Variants in SREBF2 observed in about 807,000 individuals in gnomAD.
SREBF2 encodes the protein sterol regulatory element binding transcription factor 2.
SREBF2 carries 55 observed loss-of-function variants against 113.1 expected under a neutral mutation model. The observed-to-expected ratio is 0.49, with a 90% CI of 0.39 to 0.61. The LOEUF (loss-of-function observed/expected upper bound fraction) is 0.61, where lower values mean the gene tolerates loss of function less well. Ranked by LOEUF, SREBF2 falls within the 20% of genes least tolerant of loss-of-function variation. The probability of loss-of-function intolerance (pLI) is 0.00; values close to 1 mark genes in which losing one functional copy is unlikely to be tolerated. For missense variants in SREBF2, 1,349 were observed against 1,487.4 expected, an observed-to-expected ratio of 0.91 and a Z score of 1.53; for synonymous variants, 593 against 605.7, an observed-to-expected ratio of 0.98 and a Z score of 0.31.
intron 1 of SREBF2, among the ~76,000 whole-genome samples, chr22:41,864,284 A>AC (rs1491340321): frequency 1.6e-5 from 2 of 123,372 alleles, no homozygotes; most frequent in African/African-American, 3.2e-5. Context: ...ACACACACAC[A>AC]AAATATCAAA....
chr22:41,903,275 C>T, intron 17 of SREBF2, 120 bp downstream of exon 17: 1 of 1,246,816 alleles, frequency 8.0e-7, no homozygotes, highest in African/African-American at 1.5e-5. Context: ...AGCCTGGTGA[C>T]CTGTCGAGCA....
Position 41,867,268 on chromosome 22 carries a change from A to G in SREBF2, c.526A>G (p.Thr176Ala), listed in dbSNP as rs139680630. 83 of 1,614,112 alleles carry G rather than the reference A, an allele frequency of 5.1e-5. No homozygotes were observed. The highest frequency in any genetic ancestry group is 6.9e-5 in the Non-Finnish European group (81 of 1,180,048). ...GCCTTTGATATACCAGAATGCAGCTACTAGCTTTCAAGGTGATTCAGAAGT... is the reference window on the plus strand; with the variant it reads ...GCCTTTGATATACCAGAATGCAGCTGCTAGCTTTCAAGGTGATTCAGAAGT... Reference protein sequence around the residue: ...QQPLIYQNAATSFQVLQPQVQ... With the variant: ...QQPLIYQNAAASFQVLQPQVQ... Residue 176 changes from threonine (T) to alanine (A), a missense_variant, in exon 2 of 19, where the codon ACT becomes GCT. This residue lies in a region of SREBF2 where 699 missense variants were observed against 843.3 expected (regional missense o/e 0.83). Coordinates refer to ENST00000361204, the MANE Select transcript of SREBF2 (RefSeq NM_004599.4).
At chr22:41,899,793 C>T (rs1427789414) in intron 15 of SREBF2, among the ~76,000 whole-genome samples, 3 of 152,094 alleles carry the variant, frequency 2.0e-5, no homozygotes, top group Non-Finnish European at 4.4e-5. Flanking sequence ...GCCAAGACAC[C>T]CCTGCAGGCA....
At chr22:41,857,281 G>C (rs2076986232) in intron 1 of SREBF2, among the ~76,000 whole-genome samples, 2 of 152,116 alleles carry the variant, frequency 1.3e-5, no homozygotes, top group African/African-American at 2.4e-5. Flanking sequence ...TGGAGCTGCA[G>C]ATCCCTCTCC....
chr22:41,893,357 C>G, intron 12 of SREBF2, 72 bp downstream of exon 12: 1 of 1,513,666 alleles, frequency 6.6e-7, no homozygotes, highest in Non-Finnish European at 9.2e-7. Flanking sequence ...AGTCACTGCA[C>G]CAGACACGCG....
intron 15 of SREBF2, 193 bp downstream of exon 15, chr22:41,898,974 T>C: frequency 2.5e-6 from 2 of 791,848 alleles, no homozygotes; most frequent in Non-Finnish European, 4.1e-6. Flanking sequence ...TCTGTGCAAG[T>C]GTCCTGCTCT....
intron 17 of SREBF2, 140 bp from the exon 18 acceptor site, chr22:41,904,723 C>CT (rs1569413565): frequency 1.3e-6 from 1 of 756,720 alleles, no homozygotes; most frequent in Admixed American, 2.0e-5. Flanking sequence ...ACAGAGGTTG[C>CT]TTTTCAGGGG....
chr22:41,895,031 GC>G, intron 13 of SREBF2, 94 bp downstream of exon 13: 4 of 963,538 alleles, frequency 4.2e-6, no homozygotes, highest in Non-Finnish European at 6.6e-6. Flanking sequence ...AGGGAAACAA[GC>G]CTGGCATCGG....
chr22:41,892,425 G>A (rs965491171), intron 11 of SREBF2, among the ~76,000 whole-genome samples: 22 of 152,222 alleles, frequency 1.4e-4, no homozygotes, highest in African/African-American at 4.3e-4. Flanking sequence ...CGAGACGGGC[G>A]GATCACGAGG....
At position 41,878,148 on chromosome 22, in the gene SREBF2, C is replaced by T. The variant is rs777283664; in HGVS notation, c.1761+25C>T. Reference sequence around the variant, plus strand: ...AGTGAGTTCTGTGTCCGCCCTTCCCCATCCTCCCCCAGACTTGACAAATAA... The same window carrying T: ...AGTGAGTTCTGTGTCCGCCCTTCCCTATCCTCCCCCAGACTTGACAAATAA... On this transcript the variant is annotated intron_variant, in intron 9 of 18. Coordinates refer to ENST00000361204, the MANE Select transcript of SREBF2 (RefSeq NM_004599.4). 5.0e-6 allele frequency: 8 copies of T among 1,612,826 alleles called. No homozygotes were observed. In the South Asian group the frequency reaches 7.7e-5, roughly 16 times the overall value.
chr22:41,869,737 G>A (rs2077122094), intron 3 of SREBF2, among the ~76,000 whole-genome samples: 1 of 152,052 alleles, frequency 6.6e-6, no homozygotes, highest in Non-Finnish European at 1.5e-5. Flanking sequence ...CATCGATCTC[G>A]GCCTCCCAAA....
chr22:41,844,669 C>T (rs1251742227), intron 1 of SREBF2, among the ~76,000 whole-genome samples: 1 of 152,148 alleles, frequency 6.6e-6, no homozygotes, highest in Non-Finnish European at 1.5e-5. Flanking sequence ...CTTGCTCCTC[C>T]ACGTGGCCCT....
chr22:41,875,258 C>T, intron 5 of SREBF2, 79 bp from the exon 6 acceptor site: 2 of 1,215,244 alleles, frequency 1.6e-6, no homozygotes, highest in African/African-American at 3.0e-5. Context: ...ATGCTGTCAT[C>T]CCAAGTGCTA....
At chr22:41,863,297 C>T (rs1315040444) in intron 1 of SREBF2, among the ~76,000 whole-genome samples, 1 of 152,224 alleles carries the variant, frequency 6.6e-6, no homozygotes, top group African/African-American at 2.4e-5. Context: ...GGCCTGACTA[C>T]CACCAAAGCC....
intron 1 of SREBF2, among the ~76,000 whole-genome samples, chr22:41,847,962 CT>C (rs1482719431): frequency 6.7e-6 from 1 of 148,858 alleles, no homozygotes; most frequent in East Asian, 1.9e-4. Context: ...GTCGCCCAGG[CT>C]GGAGTGCAGT....
At position 41,872,119 on chromosome 22, in the gene SREBF2, G is replaced by A. The variant is rs531918661; in HGVS notation, c.867+1084G>A. ...CAAAAAATTAGCCGGGCATGGTGGC[G>A]GGCACCTGTAGTCCTAGCTACTCGG... On this transcript the variant is annotated intron_variant, in intron 4 of 18. Coordinates refer to ENST00000361204, the MANE Select transcript of SREBF2 (RefSeq NM_004599.4). Among the ~76,000 whole-genome samples, 7 of 151,798 alleles carry A rather than the reference G, an allele frequency of 4.6e-5. No individual in the cohort carries two copies. In the East Asian group the frequency reaches 7.8e-4, roughly 17 times the overall value.
chr22:41,877,389 G>T lies in SREBF2; in HGVS notation c.1547G>T (p.Gly516Val), dbSNP rs112159798. The T allele has an allele frequency of 1.5e-5, 24 of 1,614,180 alleles. No individual in the cohort carries two copies. Among genetic ancestry groups the T allele is most frequent in the Non-Finnish European group, 1.9e-5 (22 of 1,180,026 alleles). The change falls in exon 8 of 19, where the codon GGC becomes GTC. Residue 516 changes from glycine to valine, a missense_variant. By Grantham distance (109) the Gly-to-Val change is moderately radical. Around this residue, in one of 2 missense-constraint regions of SREBF2, gnomAD observed 699 missense variants for 843.3 expected, o/e 0.83. Transcript: ENST00000361204. ...GACTCTGACCAGCACCCACACTCAG[G>T]CTCTGGCCGCAGTGTCCTGTCATTC... Reference protein sequence around the residue: ...AHDSDQHPHSGSGRSVLSFES... With the variant: ...AHDSDQHPHSVSGRSVLSFES...
intron 11 of SREBF2, among the ~76,000 whole-genome samples, chr22:41,891,597 G>A (rs187471107): frequency 2.0e-5 from 3 of 152,274 alleles, no homozygotes; most frequent in South Asian, 2.1e-4. Flanking sequence ...TTCTGAAGCC[G>A]TTACATTCGC....
intron 3 of SREBF2, among the ~76,000 whole-genome samples, chr22:41,869,217 G>T (rs2077115782): frequency 6.6e-6 from 1 of 152,120 alleles, no homozygotes; most frequent in Non-Finnish European, 1.5e-5. Flanking sequence ...CAGTTCTGCT[G>T]CTTCAGCCTC....
Sources: gnomAD v4.1 joint callset for allele counts (sites outside exome capture counted in the v4.1 genomes callset) on GRCh38, gnomAD v4.1.1 for gene constraint, gnomAD v4.1.1 regional missense constraint, MANE v1.5 for transcripts, NCBI Gene and HGNC (gene_info 2026-07-23, HGNC 2026-07-21) for gene names.